MPZL1: variants seen among roughly 807,000 people sequenced by gnomAD.
MPZL1 encodes the protein myelin protein zero like 1, also known as myelin protein zero-like protein 1.
MPZL1 carries 16 observed loss-of-function variants against 29.3 expected under a neutral mutation model. The observed-to-expected ratio is 0.55, with a 90% CI of 0.37 to 0.83. MPZL1 has a LOEUF of 0.83. Ranked by LOEUF, MPZL1 falls within the 40% of genes least tolerant of loss-of-function variation. The pLI is 0.00. For synonymous variants in MPZL1, 143 were observed against 132.0 expected (o/e 1.08, Z -0.57); for missense variants, 279 against 332.9 (o/e 0.84, Z 1.26).
At chr1:167,732,034 C>A (rs528025328) in intron 1 of MPZL1, among the ~76,000 whole-genome samples, 9 of 152,254 alleles carry the variant, frequency 5.9e-5, no homozygotes, top group African/African-American at 1.7e-4. Context: ...TTTGGTATGA[C>A]TAATTGTATT....
At chr1:167,747,053 A>G (rs1408776696) in intron 1 of MPZL1, among the ~76,000 whole-genome samples, 1 of 152,174 alleles carries the variant, frequency 6.6e-6, no homozygotes, top group African/African-American at 2.4e-5. Context: ...GGAAACATTA[A>G]TGGAACCGGA....
intron 1 of MPZL1, among the ~76,000 whole-genome samples, chr1:167,764,317 A>G (rs1325012568): frequency 6.6e-6 from 1 of 152,224 alleles, no homozygotes; most frequent in Non-Finnish European, 1.5e-5. Flanking sequence ...GTTGCCTACT[A>G]TTGCAGATCT....
chr1:167,758,096 G>A (rs1357735807), intron 1 of MPZL1, among the ~76,000 whole-genome samples: 1 of 151,940 alleles, frequency 6.6e-6, no homozygotes, highest in East Asian at 1.9e-4. Context: ...GGAGGTTGCA[G>A]TGAGTTGAGA....
chr1:167,731,171 G>A (rs977670065), intron 1 of MPZL1, among the ~76,000 whole-genome samples: 1 of 152,100 alleles, frequency 6.6e-6, no homozygotes, highest in South Asian at 2.1e-4. Flanking sequence ...GCCGTGGCTC[G>A]CGCCTGTAAT....
At chr1:167,722,329 G>A in intron 1 of MPZL1, 87 bp downstream of exon 1, 24 of 1,228,466 alleles carry the variant, frequency 2.0e-5, no homozygotes, top group Non-Finnish European at 2.4e-5. Flanking sequence ...CAGGCCAGGC[G>A]CGCGCACTGA....
intron 1 of MPZL1, among the ~76,000 whole-genome samples, chr1:167,724,992 T>C (rs1384916296): frequency 6.6e-6 from 1 of 152,154 alleles, no homozygotes; most frequent in Non-Finnish European, 1.5e-5. Context: ...AGAGATAAAA[T>C]GTGATAAGAA....
intron 2 of MPZL1, among the ~76,000 whole-genome samples, chr1:167,769,166 T>C (rs1176919925): frequency 2.6e-5 from 4 of 152,160 alleles, no homozygotes; most frequent in African/African-American, 7.2e-5. Flanking sequence ...AGGGTGGTTG[T>C]GAGGGCTAGA....
intron 1 of MPZL1, among the ~76,000 whole-genome samples, chr1:167,743,465 C>T (rs1660578263): frequency 6.6e-6 from 1 of 151,990 alleles, no homozygotes; most frequent in Non-Finnish European, 1.5e-5. Context: ...CTCGGCCTCC[C>T]AAAGTACTGA....
chr1:167,741,367 T>G (rs578187415), intron 1 of MPZL1, among the ~76,000 whole-genome samples: 1 of 140,272 alleles, frequency 7.1e-6, no homozygotes, highest in Non-Finnish European at 1.5e-5. Context: ...GTCTCACTTG[T>G]CACCCAGGCG....
At chr1:167,777,088 G>A (rs1266137565) in intron 5 of MPZL1, among the ~76,000 whole-genome samples, 6 of 152,160 alleles carry the variant, frequency 3.9e-5, no homozygotes, top group Non-Finnish European at 5.9e-5. Flanking sequence ...CACAGCATCA[G>A]GCTCATTACT....
intron 1 of MPZL1, among the ~76,000 whole-genome samples, chr1:167,739,274 C>CATATATACATATATATATATATATATAT (rs1390420346): frequency 4.8e-5 from 4 of 83,308 alleles, no homozygotes; most frequent in East Asian, 2.9e-4. Flanking sequence ...TACATATATA[C>CATATATACATATATATATATATATATAT]ATATATACAT....
At chr1:167,723,013 G>C (rs941270200) in intron 1 of MPZL1, among the ~76,000 whole-genome samples, 2 of 152,134 alleles carry the variant, frequency 1.3e-5, no homozygotes, top group Admixed American at 1.3e-4. Flanking sequence ...CAAATATTGT[G>C]ACTCAAGCTT....
intron 1 of MPZL1, among the ~76,000 whole-genome samples, chr1:167,743,656 CT>C (rs58072209): frequency 0.45 from 66,505 of 147,054 alleles, 15,327 homozygotes; most frequent in Non-Finnish European, 0.49. Context: ...TTTTGTTTTA[CT>C]TTTTTTGCAG....
intron 4 of MPZL1, among the ~76,000 whole-genome samples, chr1:167,775,859 T>G (rs1661355121): frequency 6.6e-6 from 1 of 152,212 alleles, no homozygotes; most frequent in African/African-American, 2.4e-5. Flanking sequence ...AGTGATGAGT[T>G]CATTGACTTA....
intron 1 of MPZL1, among the ~76,000 whole-genome samples, chr1:167,733,741 C>CA (rs760486650): frequency 0.066 from 8,827 of 133,048 alleles, 393 homozygotes; most frequent in African/African-American, 0.14. Flanking sequence ...GAGACTCTGT[C>CA]AAAAAAAAAA....
Position 167,788,066 on chromosome 1 carries a change from A to G in MPZL1, c.*145A>G. 1.6e-6 allele frequency: 1 copy of G among 629,674 alleles called. No homozygotes were observed. The highest frequency in any genetic ancestry group is 2.9e-6 in the Non-Finnish European group (1 of 344,826). 39.0% of individuals were successfully genotyped at this position (629,674 alleles called of 1,614,324 possible). ...CTCACAGAGGGAGAGAAAGATGTGTACAAAGGATATGTATAAATATTCTAT... is the reference window on the plus strand; with the variant it reads ...CTCACAGAGGGAGAGAAAGATGTGTGCAAAGGATATGTATAAATATTCTAT... On this transcript the variant is annotated 3_prime_UTR_variant, in exon 6 of 6. Transcript: ENST00000359523.
chr1:167,776,186 C>T lies in MPZL1; in HGVS notation c.708+20C>T. ...CACCAGGTAATGGCTGATTGCGATT[C>T]TGCCCACTGCACTGTTCCCTACAGC... On this transcript the variant is annotated intron_variant, in intron 5 of 5. Transcript: ENST00000359523. 6.4e-7 allele frequency: 1 copy of T among 1,563,244 alleles called. No individual in the cohort carries two copies. The highest frequency in any genetic ancestry group is 8.8e-7 in the Non-Finnish European group (1 of 1,134,822).
chr1:167,757,956 C>T (rs893428375), intron 1 of MPZL1, among the ~76,000 whole-genome samples: 3 of 152,018 alleles, frequency 2.0e-5, no homozygotes, highest in Admixed American at 1.3e-4. Flanking sequence ...TCAAGACCAG[C>T]CTGACCAACA....
In MPZL1 at chr1:167,776,059, A is replaced by C; in HGVS notation, c.606-5A>C. 6.4e-7 allele frequency: 1 copy of C among 1,574,144 alleles called. No individual in the cohort carries two copies. ...CATTTGTTCTTCAAATTGCCAATTC[A>C]TCAGCTGCAGTACATCAGAGAGTTT... On this transcript the variant is annotated splice_region_variant and splice_polypyrimidine_tract_variant and intron_variant, in intron 4 of 5. Transcript: ENST00000359523.
Sources: gnomAD v4.1 joint callset for allele counts (sites outside exome capture counted in the v4.1 genomes callset) on GRCh38, gnomAD v4.1.1 for gene constraint, MANE v1.5 for transcripts, NCBI Gene and HGNC (gene_info 2026-07-23, HGNC 2026-07-21) for gene names.